MCPH1: variants seen among roughly 807,000 people sequenced by gnomAD.
The protein encoded by MCPH1 is microcephalin 1.
A neutral mutation model predicts 84.5 loss-of-function variants in MCPH1; 104 were observed. The ratio of observed to expected loss-of-function variants is 1.23; its 90% CI spans 1.05 to 1.45. The LOEUF (loss-of-function observed/expected upper bound fraction) is 1.45, where lower values mean the gene tolerates loss of function less well. Among genes scored for constraint, MCPH1 ranks in the 40% most tolerant of loss-of-function variants. The pLI, the probability that MCPH1 is intolerant of heterozygous loss-of-function variation, is 0.00. For synonymous variants in MCPH1, 514 were observed against 366.8 expected (o/e 1.40, Z -4.58); for missense variants, 1,498 against 1,005.7 (o/e 1.49, Z -6.62).
At chr8:6,637,482 C>A (rs977590816) in intron 13 of MCPH1, among the ~76,000 whole-genome samples, 1 of 152,082 alleles carries the variant, frequency 6.6e-6, no homozygotes. Context: ...GAAGACAAAG[C>A]AATAGGAAAT....
At chr8:6,445,949 A>T (rs1230807549) in intron 8 of MCPH1, 1 of 984,684 alleles carries the variant, frequency 1.0e-6, no homozygotes, top group Non-Finnish European at 1.2e-6. Flanking sequence ...GAGGCTATTT[A>T]AAGAAAGAAA....
intron 12 of MCPH1, among the ~76,000 whole-genome samples, chr8:6,594,919 G>C (rs748669806): frequency 3.3e-5 from 5 of 152,104 alleles, no homozygotes; most frequent in Non-Finnish European, 5.9e-5. Flanking sequence ...TTCTCTTCAG[G>C]GGCTCCATAA....
intron 12 of MCPH1, chr8:6,509,048 C>A (rs554876565): frequency 1.2e-6 from 2 of 1,614,018 alleles, no homozygotes; most frequent in Non-Finnish European, 1.7e-6. Flanking sequence ...CCCTGTAAGT[C>A]CTTTAAGGTG....
At chr8:6,520,006 T>C (rs1817009879) in intron 12 of MCPH1, 5 of 1,612,574 alleles carry the variant, frequency 3.1e-6, no homozygotes, top group Non-Finnish European at 4.2e-6. Flanking sequence ...TTTTAAAAAA[T>C]AGTAAGGCAT....
At position 6,642,805 on chromosome 8, in the gene MCPH1, T is replaced by G. The variant is rs372148130; in HGVS notation, c.2453-189T>G. On this transcript the variant is annotated intron_variant, in intron 13 of 13. Coordinates refer to ENST00000344683, the MANE Select transcript of MCPH1 (RefSeq NM_024596.5). ...GTGTGACTGAGAACTGAATGTTTCA[T>G]TGTATTGAATTTCGTTTCACGTTAA... 310 of 651,142 alleles carry G rather than the reference T, an allele frequency of 4.8e-4. 3 individuals carry two copies. In the South Asian group the frequency reaches 5.1e-3, roughly 11 times the overall value. The allele number at this position is 651,142 out of a possible 1,614,324, so 40.3% of individuals were successfully genotyped here.
In MCPH1 at chr8:6,461,769, C is replaced by T. The variant is rs537390348; in HGVS notation, c.1935+6517C>T. On this transcript the variant is annotated intron_variant, in intron 9 of 13. Coordinates refer to ENST00000344683, the MANE Select transcript of MCPH1 (RefSeq NM_024596.5). ...GAGGGAGAAATAGAAAATATTATGACGAATTTTGACCTGTTTTCTTTGTTA... is the reference window on the plus strand; with the variant it reads ...GAGGGAGAAATAGAAAATATTATGATGAATTTTGACCTGTTTTCTTTGTTA... Among the ~76,000 whole-genome samples the T allele has an allele frequency of 1.8e-4, 28 of 152,160 alleles. 1 individual carries two copies. Among genetic ancestry groups the T allele is most frequent in the Admixed American group, 1.6e-3 (25 of 15,276 alleles).
chr8:6,612,383 AGTT>A (rs1456387675), intron 12 of MCPH1, among the ~76,000 whole-genome samples: 1 of 151,928 alleles, frequency 6.6e-6, no homozygotes, highest in Non-Finnish European at 1.5e-5. Flanking sequence ...CCAGCTGGAG[AGTT>A]GTTCTGAGGC....
chr8:6,446,935 G>A, intron 8 of MCPH1: 1 of 985,404 alleles, frequency 1.0e-6, no homozygotes, highest in South Asian at 4.7e-5. Flanking sequence ...TGAGGGGCCA[G>A]CACTAGTTGA....
chr8:6,541,426 C>A (rs2129573865), intron 12 of MCPH1, among the ~76,000 whole-genome samples: 1 of 152,194 alleles, frequency 6.6e-6, no homozygotes, highest in Admixed American at 6.5e-5. Context: ...AGAGGAAAAG[C>A]AGTGCTCTGA....
chr8:6,588,265 C>A (rs2442581), intron 12 of MCPH1, among the ~76,000 whole-genome samples: 36,889 of 152,042 alleles, frequency 0.24, 4,734 homozygotes, highest in East Asian at 0.41. Flanking sequence ...TTTTCCAGAG[C>A]CAGGCCAGCC....
intron 6 of MCPH1, among the ~76,000 whole-genome samples, chr8:6,440,910 C>T (rs539427985): frequency 6.6e-6 from 1 of 152,284 alleles, no homozygotes; most frequent in Non-Finnish European, 1.5e-5. Context: ...AAGTAGGCAG[C>T]CAGGGCTGGG....
At chr8:6,591,363 C>T (rs1429346511) in intron 12 of MCPH1, among the ~76,000 whole-genome samples, 1 of 152,222 alleles carries the variant, frequency 6.6e-6, no homozygotes, top group African/African-American at 2.4e-5. Context: ...GTCTTGATCT[C>T]ATATGGCATT....
intron 9 of MCPH1, among the ~76,000 whole-genome samples, chr8:6,476,816 G>A (rs1006438135): frequency 4.6e-5 from 7 of 152,120 alleles, no homozygotes; most frequent in African/African-American, 1.7e-4. Context: ...AATTACAAAA[G>A]TATATGAATA....
intron 12 of MCPH1, among the ~76,000 whole-genome samples, chr8:6,589,188 G>A (rs1218354487): frequency 2.0e-5 from 3 of 152,200 alleles, no homozygotes; most frequent in Admixed American, 2.0e-4. Flanking sequence ...TAGTGACATA[G>A]AAGTGAAGGC....
At chr8:6,621,829 C>G in intron 13 of MCPH1, 138 bp downstream of exon 13, 3 of 1,160,804 alleles carry the variant, frequency 2.6e-6, no homozygotes, top group Non-Finnish European at 3.8e-6. Flanking sequence ...AGCATCTGCC[C>G]TGGCAGCGTC....
chr8:6,499,330 C>T (rs1172913870), intron 11 of MCPH1, among the ~76,000 whole-genome samples: 2 of 152,016 alleles, frequency 1.3e-5, no homozygotes, highest in African/African-American at 2.4e-5. Flanking sequence ...GTTTATGGGA[C>T]ATTTTACTCT....
intron 12 of MCPH1, among the ~76,000 whole-genome samples, chr8:6,541,078 C>T (rs978830639): frequency 1.3e-5 from 2 of 152,180 alleles, no homozygotes; most frequent in Admixed American, 6.5e-5. Flanking sequence ...GAGCCAACGT[C>T]CCTAGGCATG....
intron 3 of MCPH1, among the ~76,000 whole-genome samples, chr8:6,428,745 G>GCACA (rs59969242): frequency 0.012 from 1,740 of 149,540 alleles, 33 homozygotes; most frequent in African/African-American, 0.039. Flanking sequence ...ACGTGCGCAC[G>GCACA]CACACACACA....
chr8:6,424,507 C>T (rs1405921358), intron 3 of MCPH1, among the ~76,000 whole-genome samples: 1 of 152,206 alleles, frequency 6.6e-6, no homozygotes, highest in Non-Finnish European at 1.5e-5. Flanking sequence ...GCAGCCAGCT[C>T]CACTTCCCGC....
Sources: gnomAD v4.1 joint callset for allele counts (sites outside exome capture counted in the v4.1 genomes callset) on GRCh38, gnomAD v4.1.1 for gene constraint, MANE v1.5 for transcripts, NCBI Gene and HGNC (gene_info 2026-07-23, HGNC 2026-07-21) for gene names.